PPP1R14B: variants seen among roughly 807,000 people sequenced by gnomAD.
PPP1R14B encodes protein phosphatase 1 regulatory subunit 14B.
PPP1R14B carries 4 observed loss-of-function variants against 14.7 expected under a neutral mutation model. The ratio of observed to expected loss-of-function variants is 0.27; its 90% CI spans 0.13 to 0.62. The LOEUF (loss-of-function observed/expected upper bound fraction) is 0.62. Ranked by LOEUF, PPP1R14B falls within the 20% of genes least tolerant of loss-of-function variation. The probability of loss-of-function intolerance (pLI) is 0.85; values close to 1 mark genes in which losing one functional copy is unlikely to be tolerated. For synonymous variants in PPP1R14B, 76 were observed against 87.3 expected (o/e 0.87, Z 0.72); for missense variants, 138 against 201.5 (o/e 0.68, Z 1.91).
chr11:64,244,666 C>T lies in PPP1R14B; in HGVS notation c.*88G>A, dbSNP rs528309267. On this transcript the variant is annotated 3_prime_UTR_variant, in exon 4 of 4. Coordinates refer to ENST00000309318, the MANE Select transcript of PPP1R14B (RefSeq NM_138689.3). ...CCCTGCTCATGGCACCAGGCCTGGC[C>T]GCAGGGTCCCCCGGTATTGCTGTTG... The T allele has an allele frequency of 1.8e-5, 28 of 1,578,948 alleles. No homozygotes were observed. The highest frequency in any genetic ancestry group is 4.5e-5 in the East Asian group (2 of 44,368).
chr11:64,244,494 G>C lies in PPP1R14B; in HGVS notation c.*260C>G. ...GCCGAGCCTGTTAGCTGCACCAAAGGCGTATCCTAGCTTTATTAAAGGGCC... is the reference window on the plus strand; with the variant it reads ...GCCGAGCCTGTTAGCTGCACCAAAGCCGTATCCTAGCTTTATTAAAGGGCC... On this transcript the variant is annotated 3_prime_UTR_variant, in exon 4 of 4. Transcript: ENST00000309318. 9.5e-7 allele frequency: 1 copy of C among 1,055,018 alleles called. No homozygotes were observed. The highest frequency in any genetic ancestry group is 3.2e-4 in the Middle Eastern group (1 of 3,080). The allele number at this position is 1,055,018 out of a possible 1,614,324, so 65.4% of individuals were successfully genotyped here. A position where few individuals can be genotyped will look rare whatever the true frequency, so the allele number is the denominator to read the frequency against.
At chr11:64,246,340 G>T (rs1169264069) in intron 1 of PPP1R14B, 76 bp downstream of exon 1, 3 of 1,533,770 alleles carry the variant, frequency 2.0e-6, no homozygotes, top group Non-Finnish European at 2.6e-6. Context: ...CCAGTGACAG[G>T]CGAGCTCACA....
intron 1 of PPP1R14B, 191 bp from the exon 2 acceptor site, chr11:64,245,478 G>T (rs1363019245): frequency 2.5e-3 from 3 of 1,218 alleles, no homozygotes; most frequent in Non-Finnish European, 0.091. Context: ...AAAGCGGGGT[G>T]GGGGGGGGAG....
At chr11:64,245,368 C>G (rs933490236) in intron 1 of PPP1R14B, 81 bp from the exon 2 acceptor site, 4 of 1,217,950 alleles carry the variant, frequency 3.3e-6, no homozygotes, top group African/African-American at 3.0e-5. Context: ...GGTTGAGGCC[C>G]CTGCCTACCT....
intron 2 of PPP1R14B, 96 bp downstream of exon 2, chr11:64,245,108 T>G (rs1440395677): frequency 2.8e-5 from 41 of 1,488,662 alleles, no homozygotes; most frequent in African/African-American, 4.2e-5. Context: ...GGCCCCATTC[T>G]GTTGAGGCAG....
intron 1 of PPP1R14B, chr11:64,245,531 C>A: frequency 2.0e-6 from 1 of 505,846 alleles, no homozygotes; most frequent in Non-Finnish European, 3.5e-6. Flanking sequence ...ACAGACAAGG[C>A]CAGACAGCCA....
rs1051207384 is a variant in PPP1R14B, at chr11:64,246,853, C to T, written c.-180G>A. On this transcript the variant is annotated 5_prime_UTR_variant, in exon 1 of 4. Transcript: ENST00000309318. ...GCGGAGCCCCCGGGCTTGGCCTGGC[C>T]GCGCCCCGCCCCCTCCCCGCCGATC... The T allele has an allele frequency of 6.6e-5, 20 of 304,678 alleles. No homozygotes were observed. The highest frequency in any genetic ancestry group is 8.6e-5 in the Non-Finnish European group (18 of 209,864). 18.9% of individuals were successfully genotyped at this position (304,678 alleles called of 1,614,324 possible).
rs199783916 is a variant in PPP1R14B at position 64,246,527 on chromosome 11, T to C, written c.147A>G (p.Pro49=). The change falls in exon 1 of 4, where the codon CCA becomes CCG. Residue 49 remains proline (P), a synonymous_variant. Transcript: ENST00000309318. ...CGGTGACCTTCCCTTGGCGCCTCACTGGGCCCTCATCGTCCGCCCCGCCCG... is the reference window on the plus strand; with the variant it reads ...CGGTGACCTTCCCTTGGCGCCTCACCGGGCCCTCATCGTCCGCCCCGCCCG... The part of the protein sequence containing the change: ...EGPGGADDEG[P]VRRQGKVTVK... 1.2e-6 allele frequency: 2 copies of C among 1,609,790 alleles called. No homozygotes were observed. The highest frequency in any genetic ancestry group is 1.1e-5 in the South Asian group (1 of 90,682).
rs564375196 is a variant in PPP1R14B at position 64,245,234 on chromosome 11, C to G, written c.312G>C (p.Glu104Asp). The change falls in exon 2 of 4, where the codon GAG becomes GAC. Residue 104 changes from glutamate (E) to aspartate (D), a missense_variant. Glu to Asp is a conservative substitution (Grantham distance 45). Coordinates refer to ENST00000309318, the MANE Select transcript of PPP1R14B (RefSeq NM_138689.3). ...EIDVDELLDMESDDARAARVK... is the reference protein window; with the variant it reads ...EIDVDELLDMDSDDARAARVK... Reference sequence around the variant, plus strand: ...CCCTGGCAGCCCGGGCATCGTCACTCTCCATGTCCAGGAGCTCATCCACGT... The same window carrying G: ...CCCTGGCAGCCCGGGCATCGTCACTGTCCATGTCCAGGAGCTCATCCACGT... The G allele has an allele frequency of 7.4e-6, 12 of 1,613,556 alleles. No individual in the cohort carries two copies. Among genetic ancestry groups the G allele is most frequent in the East Asian group, 2.2e-5 (1 of 44,870 alleles).
Position 64,244,917 on chromosome 11 carries a change from G to A in PPP1R14B, c.375+13C>T. ...CCCTGCCACCCCCGCCAGCCCCCCA[G>A]GAAATCTCTTACCTCTGTGGGTTTG... On this transcript the variant is annotated intron_variant, in intron 3 of 3. Transcript: ENST00000309318. The A allele has an allele frequency of 1.2e-6, 2 of 1,602,224 alleles. No individual in the cohort carries two copies. The highest frequency in any genetic ancestry group is 8.5e-7 in the Non-Finnish European group (1 of 1,173,632).
At chr11:64,246,309 G>A in intron 1 of PPP1R14B, 107 bp downstream of exon 1, 4 of 1,455,668 alleles carry the variant, frequency 2.7e-6, no homozygotes, top group East Asian at 2.5e-5. Context: ...AGCGCGCGGG[G>A]AAGCAAAGCG....
At chr11:64,246,130 G>A in intron 1 of PPP1R14B, 1 of 431,626 alleles carries the variant, frequency 2.3e-6, no homozygotes, top group Non-Finnish European at 4.2e-6. Context: ...TAGCCCCCTT[G>A]CCTCTTGCCC....
chr11:64,246,775 C>A lies in PPP1R14B; in HGVS notation c.-102G>T, dbSNP rs1487005557. On this transcript the variant is annotated 5_prime_UTR_variant, in exon 1 of 4. Transcript: ENST00000309318. The stretch of plus-strand genomic sequence containing the variant: ...GGGTTAGCTCGCCGGCTCCGCTCCG[C>A]GCGGCTCCGCGGCGAGGGCGGCGGC... The A allele has an allele frequency of 1.0e-6, 1 of 953,586 alleles. No individual in the cohort carries two copies. The highest frequency in any genetic ancestry group is 1.2e-4 in the East Asian group (1 of 8,626). The allele number at this position is 953,586 out of a possible 1,614,324, so 59.1% of individuals were successfully genotyped here.
Position 64,246,575 on chromosome 11 carries a change from G to A in PPP1R14B, c.99C>T (p.Pro33=). 1 of 1,602,830 alleles carries A rather than the reference G, an allele frequency of 6.2e-7. No individual in the cohort carries two copies. Among genetic ancestry groups the A allele is most frequent in the Non-Finnish European group, 8.5e-7 (1 of 1,176,294 alleles). Residue 33 remains proline (P), a synonymous_variant, in exon 1 of 4, where the codon CCC becomes CCT. Transcript: ENST00000309318. ...GPGPRVYFQS[P]PGAAGEGPGG... is the part of the protein sequence containing the mutation. ...CCGGGCCCTCTCCTGCGGCCCCGGG[G>A]GGGCTCTGAAAGTAGACGCGTGGTC...
intron 1 of PPP1R14B, 194 bp downstream of exon 1, chr11:64,246,222 G>A: frequency 2.8e-6 from 2 of 711,250 alleles, no homozygotes; most frequent in Non-Finnish European, 2.3e-6. Flanking sequence ...AGGGTCCGAG[G>A]CAACGGAGAA....
rs1260171508 is a variant in PPP1R14B at position 64,246,693 on chromosome 11, T to C, written c.-20A>G. On this transcript the variant is annotated 5_prime_UTR_variant, in exon 1 of 4. Coordinates refer to ENST00000309318, the MANE Select transcript of PPP1R14B (RefSeq NM_138689.3). ...CGCCATGGCGGCCGCCGGGGCCACG[T>C]GCGAGCGTCGGGCCCCTCCCTGCGC... 1.9e-6 allele frequency: 2 copies of C among 1,075,194 alleles called. No individual in the cohort carries two copies. The highest frequency in any genetic ancestry group is 5.3e-5 in the Admixed American group (1 of 18,718). The allele number at this position is 1,075,194 out of a possible 1,614,324, so 66.6% of individuals were successfully genotyped here. A position where few individuals can be genotyped will look rare whatever the true frequency, so the allele number is the denominator to read the frequency against.
chr11:64,245,005 G>C, intron 2 of PPP1R14B, 43 bp from the exon 3 acceptor site: 1 of 1,578,962 alleles, frequency 6.3e-7, no homozygotes, highest in Non-Finnish European at 8.6e-7. Context: ...GTCCTCAGGA[G>C]TGGGGGCCTG....
chr11:64,244,827 A>G lies in PPP1R14B; in HGVS notation c.376-5T>C, dbSNP rs1264037738. On this transcript the variant is annotated splice_region_variant and splice_polypyrimidine_tract_variant and intron_variant, in intron 3 of 3. Coordinates refer to ENST00000309318, the MANE Select transcript of PPP1R14B (RefSeq NM_138689.3). The stretch of plus-strand genomic sequence containing the variant: ...CAGCAGGCCAGAAATGAAGGCCTGG[A>G]TGGGGTGGGAGGGTAAACATTAAGG... The G allele has an allele frequency of 1.2e-6, 2 of 1,614,094 alleles. No homozygotes were observed. The highest frequency in any genetic ancestry group is 2.2e-5 in the East Asian group (1 of 44,874).
Position 64,246,795 on chromosome 11 carries a change from G to A in PPP1R14B, c.-122C>T. ...CTCCGCGCGGCTCCGCGGCGAGGGC[G>A]GCGGCGGGGGCGCCCGGGGGCAGCT... On this transcript the variant is annotated 5_prime_UTR_variant, in exon 1 of 4. Coordinates refer to ENST00000309318, the MANE Select transcript of PPP1R14B (RefSeq NM_138689.3). 1.2e-6 allele frequency: 1 copy of A among 840,552 alleles called. No homozygotes were observed. The allele number at this position is 840,552 out of a possible 1,614,324, so 52.1% of individuals were successfully genotyped here.
Sources: allele counts gnomAD v4.1 joint callset, GRCh38; gene constraint gnomAD v4.1.1; transcripts MANE v1.5; gene names NCBI Gene and HGNC (gene_info 2026-07-23, HGNC 2026-07-21).